Variants in ZBTB7B observed in about 807,000 individuals in gnomAD.
ZBTB7B encodes the protein zinc finger and BTB domain containing 7B.
Under a neutral mutation model 31.0 loss-of-function variants are expected in ZBTB7B, and 8 were observed. That is an observed-to-expected ratio of 0.26 (90% CI 0.15 to 0.47). ZBTB7B has a LOEUF of 0.47. Ranked by LOEUF, ZBTB7B falls within the 20% of genes least tolerant of loss-of-function variation. The pLI is 0.99. For synonymous variants in ZBTB7B, 261 were observed against 307.3 expected, an observed-to-expected ratio of 0.85 and a Z score of 1.58; for missense variants, 494 against 742.4, an observed-to-expected ratio of 0.67 and a Z score of 3.89.
rs1042339778 is a variant in ZBTB7B, at chr1:155,017,725, C to G, written c.*1040C>G. 1 of 152,366 alleles carries G rather than the reference C, an allele frequency of 6.6e-6. No homozygotes were observed. The highest frequency in any genetic ancestry group is 6.5e-5 in the Admixed American group (1 of 15,296). The allele number at this position is 152,366 out of a possible 1,614,324, so 9.4% of individuals were successfully genotyped here. A position where few individuals can be genotyped will look rare whatever the true frequency, so the allele number is the denominator to read the frequency against. On this transcript the variant is annotated 3_prime_UTR_variant, in exon 3 of 3. Transcript: ENST00000535420. ...CGCGGCCACTGGAGCGAGCTGTCTT[C>G]ACGCTCCTCATCCACCCCAGCTGGT... is the stretch of plus-strand genomic sequence containing the variant.
intron 1 of ZBTB7B, among the ~76,000 whole-genome samples, chr1:155,012,685 A>G (rs1283596943): frequency 6.6e-6 from 1 of 151,904 alleles, no homozygotes; most frequent in Admixed American, 6.6e-5. Flanking sequence ...TGCTCACCCA[A>G]GGTTTCTGTG....
intron 2 of ZBTB7B, 39 bp downstream of exon 2, chr1:155,015,853 G>T: frequency 1.3e-6 from 2 of 1,591,116 alleles, no homozygotes; most frequent in South Asian, 1.1e-5. Context: ...AGGGGCCATG[G>T]GTAGGGGACA....
At chr1:155,005,858 C>A (rs903723556) in intron 1 of ZBTB7B, among the ~76,000 whole-genome samples, 1 of 152,204 alleles carries the variant, frequency 6.6e-6, no homozygotes, top group Non-Finnish European at 1.5e-5. Flanking sequence ...CCCCTCCCCC[C>A]CACTCTTGCC....
In ZBTB7B at chr1:155,015,731, G is replaced by A; in HGVS notation, c.1071G>A (p.Gly357=). ...ECPVCHKIIH[G]AGKLPRHMRT... ...CTGTCTGCCACAAGATCATCCATGG[G>A]GCAGGCAAACTGCCTCGCCACATGA... is the stretch of plus-strand genomic sequence containing the variant. Residue 357 remains glycine (G), a synonymous_variant, in exon 2 of 3, where the codon GGG becomes GGA. Transcript: ENST00000535420. 2 of 1,612,398 alleles carry A rather than the reference G, an allele frequency of 1.2e-6. No homozygotes were observed. The highest frequency in any genetic ancestry group is 1.7e-5 in the Admixed American group (1 of 60,024).
chr1:155,007,172 C>T (rs1407095966), intron 1 of ZBTB7B, among the ~76,000 whole-genome samples: 2 of 152,206 alleles, frequency 1.3e-5, no homozygotes, highest in Non-Finnish European at 2.9e-5. Flanking sequence ...TGCTGTGTAC[C>T]TATGATTGAC....
At chr1:155,011,076 T>A in intron 1 of ZBTB7B, 1 of 1,357,338 alleles carries the variant, frequency 7.4e-7, no homozygotes, top group Non-Finnish European at 1.0e-6. Flanking sequence ...GGCCCATATC[T>A]ATTTTCTCTG....
intron 1 of ZBTB7B, among the ~76,000 whole-genome samples, chr1:155,005,500 T>C (rs1004790883): frequency 5.9e-5 from 9 of 152,282 alleles, no homozygotes; most frequent in Non-Finnish European, 8.8e-5. Flanking sequence ...AGAGACCCAA[T>C]TCTTCTGGCC....
chr1:155,011,136 CTAATCCCCAGGGTGGGGGAAAGGGG>C, intron 1 of ZBTB7B: 1 of 940,616 alleles, frequency 1.1e-6, no homozygotes, highest in Non-Finnish European at 1.6e-6. Flanking sequence ...CCTCACTCCC[CTAATCCCCAGGGTGGGGGAAAGGGG>C]GGTCAGCTTT....
chr1:155,011,246 C>T (rs1042073648), intron 1 of ZBTB7B, among the ~76,000 whole-genome samples: 1 of 152,238 alleles, frequency 6.6e-6, no homozygotes, highest in Non-Finnish European at 1.5e-5. Context: ...GCCTTCGTGG[C>T]CCCCAGCCCT....
chr1:155,009,174 A>G (rs1181035150), intron 1 of ZBTB7B, among the ~76,000 whole-genome samples: 1 of 151,932 alleles, frequency 6.6e-6, no homozygotes, highest in Non-Finnish European at 1.5e-5. Context: ...AGGGGACCCG[A>G]GCAGATCAGG....
Position 155,013,562 on chromosome 1 carries a change from GTGCTCTGCACCCACCTCCTGGC to G in ZBTB7B, c.-6-1072_-6-1051del, listed in dbSNP as rs375054275. On this transcript the variant is annotated intron_variant, in intron 1 of 2. Coordinates refer to ENST00000535420, the MANE Select transcript of ZBTB7B (RefSeq NM_001256455.2). ...CCTGCCGACACCTCTGCCAGCCTTG[GTGCTCTGCACCCACCTCCTGGC>G]TGCTCTGCACCCACCTCCTGTGGCT... Among the ~76,000 whole-genome samples, 658 of 152,354 alleles carry G rather than the reference GTGCTCTGCACCCACCTCCTGGC, an allele frequency of 4.3e-3. 2 individuals carry two copies. Among genetic ancestry groups the G allele is most frequent in the African/African-American group, 0.011 (455 of 41,580 alleles).
In ZBTB7B at chr1:155,014,953, C is replaced by G; in HGVS notation, c.293C>G (p.Ala98Gly). Residue 98 changes from alanine to glycine, a missense_variant, in exon 2 of 3, where the codon GCA (alanine) becomes GGA (glycine). Transcript: ENST00000535420. ...GAGCTGGACTTTGTAGGGCCAGAGG[C>G]ACTAGGCGCCCTCCTTGAATTTGCC... Reference protein sequence around the residue: ...VCELDFVGPEALGALLEFAYT... With the variant: ...VCELDFVGPEGLGALLEFAYT... 1 of 1,613,908 alleles carries G rather than the reference C, an allele frequency of 6.2e-7. No individual in the cohort carries two copies. Among genetic ancestry groups the G allele is most frequent in the Non-Finnish European group, 8.5e-7 (1 of 1,179,982 alleles).
chr1:155,011,570 G>A (rs1055173892), intron 1 of ZBTB7B, among the ~76,000 whole-genome samples: 2 of 152,190 alleles, frequency 1.3e-5, no homozygotes, highest in Non-Finnish European at 2.9e-5. Flanking sequence ...GCGGGAAAGA[G>A]GGGAGTGATG....
chr1:155,007,124 T>TC (rs970503228), intron 1 of ZBTB7B, among the ~76,000 whole-genome samples: 1 of 152,182 alleles, frequency 6.6e-6, no homozygotes, highest in Non-Finnish European at 1.5e-5. Context: ...ACCCTCTGCA[T>TC]CCCCCCACTT....
rs538567378 is a variant in ZBTB7B, at chr1:155,004,787, G to T, written c.-7+1844G>T. 6.6e-6 allele frequency among the ~76,000 whole-genome samples: 1 copy of T among 152,128 alleles called. No individual in the cohort carries two copies. The highest frequency in any genetic ancestry group is 2.4e-5 in the African/African-American group (1 of 41,492). ...TCCCCCAGCGTGCCTCTGTTACATG[G>T]TTGCTGTGGGCACAACACAACCTGC... is the stretch of plus-strand genomic sequence containing the variant. On this transcript the variant is annotated intron_variant, in intron 1 of 2. Transcript: ENST00000535420. This position sits in a 1 kb window ranked among gnomAD's most constrained non-coding sequence, Gnocchi z 4.0.
rs201256573 is a variant in ZBTB7B, at chr1:155,015,504, C to A, written c.844C>A (p.Leu282Met). The change falls in exon 2 of 3, where the codon CTG (leucine) becomes ATG (methionine). Residue 282 changes from leucine (L) to methionine (M), a missense_variant. By Grantham distance (15) the Leu-to-Met change is conservative. Transcript: ENST00000535420. ...PYEGEEEEEE[L>M]VYPPAYGLAQ... is the part of the protein sequence containing the mutation. ...TGAGGGTGAGGAAGAAGAAGAGGAG[C>A]TGGTATATCCCCCAGCCTATGGGCT... 164 of 1,613,660 alleles carry A rather than the reference C, an allele frequency of 1.0e-4. No individual in the cohort carries two copies. The highest frequency in any genetic ancestry group is 8.9e-5 in the Non-Finnish European group (105 of 1,179,810).
intron 1 of ZBTB7B, among the ~76,000 whole-genome samples, chr1:155,010,018 C>A (rs1181329689): frequency 6.6e-6 from 1 of 151,810 alleles, no homozygotes; most frequent in Admixed American, 6.6e-5. Flanking sequence ...AGACAAGGGT[C>A]GGAGGAGGCA....
chr1:155,016,068 C>A lies in ZBTB7B; in HGVS notation c.1155-152C>A. 1.1e-6 allele frequency: 1 copy of A among 916,642 alleles called. No homozygotes were observed. The highest frequency in any genetic ancestry group is 1.6e-6 in the Non-Finnish European group (1 of 610,200). The allele number at this position is 916,642 out of a possible 1,614,324, so 56.8% of individuals were successfully genotyped here. A position where few individuals can be genotyped will look rare whatever the true frequency, so the allele number is the denominator to read the frequency against. ...TGGATAATGACAAGGCCTAGTTAAG[C>A]TAGAGGTGAGCTAGCAGGGTATCTC... On this transcript the variant is annotated intron_variant, in intron 2 of 2. Transcript: ENST00000535420. This position sits in a 1 kb window ranked among gnomAD's most constrained non-coding sequence, Gnocchi z 4.3.
rs1334391475 is a variant in ZBTB7B, at chr1:155,017,423, G to A, written c.*738G>A. On this transcript the variant is annotated 3_prime_UTR_variant, in exon 3 of 3. Transcript: ENST00000535420. ...CCCCTCCCTAGCCCTCCCTCCCCAC[G>A]GCCCTGGGCAGGGAATGTCTTGTTC... The A allele has an allele frequency of 6.7e-6, 1 of 148,198 alleles. No homozygotes were observed. The highest frequency in any genetic ancestry group is 1.5e-5 in the Non-Finnish European group (1 of 65,948). 9.2% of individuals were successfully genotyped at this position (148,198 alleles called of 1,614,324 possible). A position where few individuals can be genotyped will look rare whatever the true frequency, so the allele number is the denominator to read the frequency against.
Sources: gnomAD v4.1 joint callset for allele counts (sites outside exome capture counted in the v4.1 genomes callset) on GRCh38, gnomAD v4.1.1 for gene constraint, Gnocchi (gnomAD v3.1) non-coding constraint, MANE v1.5 for transcripts, NCBI Gene and HGNC (gene_info 2026-07-23, HGNC 2026-07-21) for gene names.